GRM7: variants seen among roughly 807,000 people sequenced by gnomAD.
The protein encoded by GRM7 is glutamate metabotropic receptor 7, also known as metabotropic glutamate receptor 7.
GRM7 carries 35 observed loss-of-function variants against 84.5 expected under a neutral mutation model. The ratio of observed to expected loss-of-function variants is 0.41; its 90% CI spans 0.32 to 0.55. The LOEUF (loss-of-function observed/expected upper bound fraction) is 0.55, where lower values mean the gene tolerates loss of function less well. Among genes scored for constraint, GRM7 ranks in the 20% least tolerant of loss-of-function variants. The pLI is 0.19. For synonymous variants in GRM7, 487 were observed against 455.1 expected (o/e 1.07, Z -0.89); for missense variants, 1,003 against 1,194.6 (o/e 0.84, Z 2.36).
Position 7,740,664 on chromosome 3 carries a change from T to A in GRM7, c.*258T>A. 2.8e-6 allele frequency: 1 copy of A among 356,488 alleles called. No individual in the cohort carries two copies. The allele number at this position is 356,488 out of a possible 1,614,324, so 22.1% of individuals were successfully genotyped here. A position where few individuals can be genotyped will look rare whatever the true frequency, so the allele number is the denominator to read the frequency against. On this transcript the variant is annotated 3_prime_UTR_variant, in exon 10 of 10. Coordinates refer to ENST00000357716, the MANE Select transcript of GRM7 (RefSeq NM_000844.4). Reference sequence around the variant, plus strand: ...TGGACCTTCCCTACCAAAGGGAGTGTTGAAACTCAAGTCCCGCCCTGGCTC... The same window carrying A: ...TGGACCTTCCCTACCAAAGGGAGTGATGAAACTCAAGTCCCGCCCTGGCTC...
intron 1 of GRM7, among the ~76,000 whole-genome samples, chr3:7,062,390 G>A (rs1414414596): frequency 2.0e-5 from 3 of 151,618 alleles, no homozygotes; most frequent in African/African-American, 4.8e-5. Flanking sequence ...GAAGAAACAA[G>A]GAGCCAAGAC....
At chr3:7,711,102 T>C (rs1701562008) in intron 9 of GRM7, among the ~76,000 whole-genome samples, 1 of 152,210 alleles carries the variant, frequency 6.6e-6, no homozygotes, top group East Asian at 1.9e-4. Flanking sequence ...GACACAGTGG[T>C]ATCCACGATA....
intron 8 of GRM7, among the ~76,000 whole-genome samples, chr3:7,595,657 A>T (rs1696004322): frequency 6.6e-6 from 1 of 152,034 alleles, no homozygotes; most frequent in South Asian, 2.1e-4. Context: ...GTATTCTTGA[A>T]TAGAGAACAA....
intron 2 of GRM7, among the ~76,000 whole-genome samples, chr3:7,179,845 G>A: frequency 6.6e-6 from 1 of 152,188 alleles, no homozygotes; most frequent in African/African-American, 2.4e-5. Context: ...ATAGTATAGG[G>A]GAAACACTCA....
chr3:6,944,855 T>G lies in GRM7; in HGVS notation c.519+82948T>G, dbSNP rs1698006463. Among the ~76,000 whole-genome samples the G allele has an allele frequency of 2.0e-5, 3 of 152,154 alleles. No individual in the cohort carries two copies. In the South Asian group the frequency reaches 6.2e-4, roughly 31 times the overall value. On this transcript the variant is annotated intron_variant, in intron 1 of 9. Transcript: ENST00000357716. ...CATCACAAGTTCATTTTCAGCCTAC[T>G]CAGGTTCTCTATTTATTAAGTGAGC...
At chr3:7,328,229 G>T (rs549136852) in intron 4 of GRM7, among the ~76,000 whole-genome samples, 2 of 152,186 alleles carry the variant, frequency 1.3e-5, no homozygotes, top group African/African-American at 4.8e-5. Context: ...CTAACTCATC[G>T]TCATGGCTTT....
intron 2 of GRM7, among the ~76,000 whole-genome samples, chr3:7,165,208 C>T (rs1259918518): frequency 6.6e-6 from 1 of 152,194 alleles, no homozygotes; most frequent in Non-Finnish European, 1.5e-5. Context: ...GTTAACCACC[C>T]CATGGCGCAT....
intron 2 of GRM7, among the ~76,000 whole-genome samples, chr3:7,298,425 A>G (rs137908443): frequency 1.4e-4 from 22 of 152,132 alleles, no homozygotes; most frequent in African/African-American, 5.3e-4. Flanking sequence ...CTGAAGTAAT[A>G]TCATTGGTAT....
intron 1 of GRM7, among the ~76,000 whole-genome samples, chr3:7,068,268 C>G (rs1194165487): frequency 1.3e-5 from 2 of 151,966 alleles, no homozygotes; most frequent in Non-Finnish European, 2.9e-5. Flanking sequence ...GGACTACAGT[C>G]TGTTTTAGTA....
chr3:7,238,566 C>G (rs1257105424), intron 2 of GRM7, among the ~76,000 whole-genome samples: 1 of 152,040 alleles, frequency 6.6e-6, no homozygotes. Context: ...CCTTTCAAGG[C>G]TGTGTCCTCA....
intron 2 of GRM7, among the ~76,000 whole-genome samples, chr3:7,285,665 C>G (rs573560180): frequency 6.6e-6 from 1 of 151,910 alleles, no homozygotes; most frequent in East Asian, 1.9e-4. Flanking sequence ...AGAATGTGTG[C>G]GTTCTAGGAT....
chr3:7,302,105 A>G (rs9836557), intron 3 of GRM7, among the ~76,000 whole-genome samples: 1,540 of 152,218 alleles, frequency 0.01, 23 homozygotes, highest in African/African-American at 0.035. Context: ...TTTTTTTTCA[A>G]TAAAAGGAAC....
At chr3:7,435,117 G>A (rs1299954752) in intron 5 of GRM7, among the ~76,000 whole-genome samples, 2 of 150,950 alleles carry the variant, frequency 1.3e-5, no homozygotes, top group African/African-American at 4.9e-5. Flanking sequence ...TTTATTTAGT[G>A]TCTGTTGCAT....
chr3:7,471,678 A>G (rs758416954), intron 7 of GRM7, among the ~76,000 whole-genome samples: 1 of 152,186 alleles, frequency 6.6e-6, no homozygotes, highest in Non-Finnish European at 1.5e-5. Flanking sequence ...ACTTTGAGGT[A>G]GGTAACCGTA....
At chr3:6,927,469 GAAAGAAAGAA>G (rs763096740) in intron 1 of GRM7, among the ~76,000 whole-genome samples, 9,105 of 70,610 alleles carry the variant, frequency 0.13, 472 homozygotes, top group Non-Finnish European at 0.19. Context: ...GAGAGAGAAA[GAAAGAAAGAA>G]AGAAAGAAAG....
At chr3:7,201,712 G>C (rs899995503) in intron 2 of GRM7, among the ~76,000 whole-genome samples, 14 of 152,160 alleles carry the variant, frequency 9.2e-5, no homozygotes, top group African/African-American at 2.7e-4. Flanking sequence ...GGCATACTAA[G>C]TTTAAGACAC....
intron 2 of GRM7, among the ~76,000 whole-genome samples, chr3:7,206,761 T>C (rs1409630280): frequency 6.6e-6 from 1 of 152,160 alleles, no homozygotes; most frequent in Admixed American, 6.5e-5. Flanking sequence ...TGACTATAAT[T>C]GGTCTTAAGA....
At chr3:7,033,846 C>T (rs533796931) in intron 1 of GRM7, among the ~76,000 whole-genome samples, 23 of 152,074 alleles carry the variant, frequency 1.5e-4, no homozygotes, top group Non-Finnish European at 2.5e-4. Context: ...GAAAGTGACT[C>T]GAGGGTGTGA....
chr3:7,307,597 T>C (rs1700239180), intron 4 of GRM7, among the ~76,000 whole-genome samples: 1 of 152,194 alleles, frequency 6.6e-6, no homozygotes, highest in Admixed American at 6.5e-5. Flanking sequence ...CTGTCACTGT[T>C]TCCTTTCTGT....
Sources: gnomAD v4.1 joint callset for allele counts (sites outside exome capture counted in the v4.1 genomes callset) on GRCh38, gnomAD v4.1.1 for gene constraint, MANE v1.5 for transcripts, NCBI Gene and HGNC (gene_info 2026-07-23, HGNC 2026-07-21) for gene names.